Variants in RMP64 observed in about 807,000 individuals in gnomAD.
RMP64 encodes nucleolus and neural progenitor protein.
chr3:113,018,667 TCC>T, the RMP64 span, among the ~76,000 whole-genome samples: 1 of 152,182 alleles, frequency 6.6e-6, no homozygotes, highest in African/African-American at 2.4e-5. Context: ...CTGTATTCTC[TCC>T]CTTGGGCCCC....
chr3:113,015,822 T>C, the RMP64 span, among the ~76,000 whole-genome samples: 1 of 140,856 alleles, frequency 7.1e-6, no homozygotes, highest in Non-Finnish European at 1.5e-5. Context: ...TATTAAATGC[T>C]ATAAGTACAA....
chr3:113,003,507 A>G, the RMP64 span: 1 of 152,200 alleles, frequency 6.6e-6, no homozygotes, highest in Non-Finnish European at 1.5e-5. Flanking sequence ...TGAATTCCTT[A>G]TAAACATACA....
the RMP64 span, chr3:113,003,180 CAA>C: frequency 6.6e-6 from 1 of 151,962 alleles, no homozygotes; most frequent in African/African-American, 2.4e-5. Flanking sequence ...TATCTCTACA[CAA>C]AGTTTTTAAA....
At chr3:113,013,462 GTTTTT>G in the RMP64 span, 1 of 938,222 alleles carries the variant, frequency 1.1e-6, no homozygotes, top group Non-Finnish European at 1.5e-6. Flanking sequence ...TTTTTTTTTT[GTTTTT>G]TTTTTTTTTA....
the RMP64 span, chr3:113,014,423 TC>T: frequency 6.3e-6 from 1 of 158,808 alleles, no homozygotes; most frequent in Non-Finnish European, 1.4e-5. Context: ...TGGCGTGATC[TC>T]GGCTCACTGC....
At chr3:113,017,160 T>G in the RMP64 span, among the ~76,000 whole-genome samples, 2 of 152,210 alleles carry the variant, frequency 1.3e-5, no homozygotes, top group African/African-American at 4.8e-5. Context: ...AAGGCACTGT[T>G]GTTATAGATT....
the RMP64 span, chr3:113,019,298 T>A: frequency 7.3e-6 from 4 of 549,024 alleles, no homozygotes; most frequent in South Asian, 8.7e-5. Context: ...TGAGCCTTGG[T>A]CTTTCATCTC....
the RMP64 span, chr3:113,013,919 A>G: frequency 6.9e-7 from 1 of 1,447,656 alleles, no homozygotes; most frequent in South Asian, 1.1e-5. Flanking sequence ...TTCCCAGCCC[A>G]CCACATCACA....
chr3:113,018,744 G>C, the RMP64 span, among the ~76,000 whole-genome samples: 1 of 152,126 alleles, frequency 6.6e-6, no homozygotes, highest in Non-Finnish European at 1.5e-5. Context: ...GCCAGGCAGT[G>C]TTCCAAATGC....
At chr3:113,015,169 C>A in the RMP64 span, 1 of 152,134 alleles carries the variant, frequency 6.6e-6, no homozygotes, top group Non-Finnish European at 1.5e-5. Flanking sequence ...GTGTGTTATT[C>A]CTGAGGACTA....
chr3:113,014,013 C>T, the RMP64 span: 4 of 1,612,832 alleles, frequency 2.5e-6, no homozygotes, highest in South Asian at 1.1e-5. Context: ...GTTTTTCAAA[C>T]GCTTTAAACA....
chr3:113,011,420 T>C, the RMP64 span: 7 of 1,542,856 alleles, frequency 4.5e-6, no homozygotes, highest in Non-Finnish European at 5.2e-6. Flanking sequence ...GAGAAAGAAA[T>C]AGGAGCTCAT....
the RMP64 span, among the ~76,000 whole-genome samples, chr3:113,006,381 G>C: frequency 5.3e-5 from 8 of 152,182 alleles, no homozygotes; most frequent in African/African-American, 1.9e-4. Context: ...CTGCCAGTAC[G>C]TATTAATCCG....
the RMP64 span, chr3:113,019,649 C>G: frequency 1.9e-6 from 3 of 1,611,810 alleles, no homozygotes; most frequent in Non-Finnish European, 2.5e-6. Context: ...AGCCATCATG[C>G]GAGGCGGGGG....
the RMP64 span, chr3:113,005,791 G>A: frequency 1.2e-6 from 2 of 1,613,800 alleles, no homozygotes; most frequent in South Asian, 1.1e-5. Flanking sequence ...ACTTAGCACT[G>A]GTATCTGTAG....
At chr3:113,011,627 G>A in the RMP64 span, 1 of 376,490 alleles carries the variant, frequency 2.7e-6, no homozygotes, top group South Asian at 9.1e-5. Flanking sequence ...CAGTCTACCA[G>A]GAAAGATATA....
chr3:113,005,521 C>T, the RMP64 span: 2 of 1,501,792 alleles, frequency 1.3e-6, no homozygotes, highest in Non-Finnish European at 1.9e-6. Flanking sequence ...AAAAGTCTCA[C>T]ATATGAACGA....
chr3:113,012,630 C>T, the RMP64 span: 2 of 694,896 alleles, frequency 2.9e-6, no homozygotes, highest in Non-Finnish European at 5.0e-6. Flanking sequence ...AATACCTGCA[C>T]CTTCCATAAC....
the RMP64 span, among the ~76,000 whole-genome samples, chr3:113,007,413 G>A: frequency 6.6e-6 from 1 of 151,940 alleles, no homozygotes. Context: ...TCCCTGAATA[G>A]CTCTAAACTA....
Sources: gnomAD v4.1 joint callset for allele counts (sites outside exome capture counted in the v4.1 genomes callset) on GRCh38, gnomAD v4.1.1 for gene constraint, MANE v1.5 for transcripts, NCBI Gene and HGNC (gene_info 2026-07-23, HGNC 2026-07-21) for gene names.